HLA-G: variants seen among roughly 807,000 people sequenced by gnomAD.
HLA-G encodes HLA class I histocompatibility antigen, alpha chain G.
HLA-G carries 34 observed loss-of-function variants against 39.3 expected under a neutral mutation model. The observed-to-expected ratio is 0.86, with a 90% CI of 0.66 to 1.15. The LOEUF (loss-of-function observed/expected upper bound fraction) is 1.15. HLA-G is among the 50% of genes most tolerant of loss of function. The pLI is 0.00. For missense variants in HLA-G, 419 were observed against 456.4 expected, an observed-to-expected ratio of 0.92 and a Z score of 0.75; for synonymous variants, 183 against 185.8, an observed-to-expected ratio of 0.99 and a Z score of 0.12.
chr6:29,828,714 A>G lies in HLA-G; in HGVS notation c.515A>G (p.Glu172Gly). Residue 172 changes from glutamate to glycine, a missense_variant, in exon 3 of 7, where the codon GAG (glutamate) becomes GGG (glycine). Around this residue, in one of 2 missense-constraint regions of HLA-G, gnomAD observed 328 missense variants for 323.0 expected, o/e 1.02. Coordinates refer to ENST00000360323, the MANE Select transcript of HLA-G (RefSeq NM_001384290.1). ...TAAQISKRKC[E>G]AANVAEQRRA... Reference sequence around the variant, plus strand: ...GCTCAGATCTCCAAGCGCAAGTGTGAGGCGGCCAATGTGGCTGAACAAAGG... The same window carrying G: ...GCTCAGATCTCCAAGCGCAAGTGTGGGGCGGCCAATGTGGCTGAACAAAGG... The G allele has an allele frequency of 6.2e-7, 1 of 1,613,834 alleles. No homozygotes were observed. The highest frequency in any genetic ancestry group is 8.5e-7 in the Non-Finnish European group (1 of 1,180,024).
chr6:29,826,809 A>G (rs1760720349), upstream of HLA-G, among the ~76,000 whole-genome samples: 1 of 152,210 alleles, frequency 6.6e-6, no homozygotes, highest in African/African-American at 2.4e-5. Flanking sequence ...AATCAGGTTT[A>G]AAAAATACTA....
rs778011464 is a variant in HLA-G at position 29,829,853 on chromosome 6, C to T, written c.933C>T (p.Ile311=). The change falls in exon 5 of 7, where the codon ATC becomes ATT. Residue 311 remains isoleucine (I), a synonymous_variant. Coordinates refer to ENST00000360323, the MANE Select transcript of HLA-G (RefSeq NM_001384290.1). The part of the protein sequence containing the change: ...SSLPTIPIMG[I]VAGLVVLAAV... Reference sequence around the variant, plus strand: ...TGCCCACCATCCCCATCATGGGTATCGTTGCTGGCCTGGTTGTCCTTGCAG... The same window carrying T: ...TGCCCACCATCCCCATCATGGGTATTGTTGCTGGCCTGGTTGTCCTTGCAG... 6.2e-6 allele frequency: 10 copies of T among 1,613,958 alleles called. No homozygotes were observed. The highest frequency in any genetic ancestry group is 7.6e-6 in the Non-Finnish European group (9 of 1,179,926).
Position 29,829,544 on chromosome 6 carries a change from C to T in HLA-G, c.746C>T (p.Thr249Ile). 1 of 1,613,966 alleles carries T rather than the reference C, an allele frequency of 6.2e-7. No individual in the cohort carries two copies. Among genetic ancestry groups the T allele is most frequent in the Non-Finnish European group, 8.5e-7 (1 of 1,179,918 alleles). ...LTWQRDGEDQ[T>I]QDVELVETRP... Reference sequence around the variant, plus strand: ...TGGCAGCGGGATGGGGAGGACCAGACCCAGGACGTGGAGCTCGTGGAGACC... The same window carrying T: ...TGGCAGCGGGATGGGGAGGACCAGATCCAGGACGTGGAGCTCGTGGAGACC... The change falls in exon 4 of 7, where the codon ACC (threonine) becomes ATC (isoleucine). Residue 249 changes from threonine to isoleucine, a missense_variant. Physicochemically the swap from Thr to Ile is moderately conservative, Grantham distance 89 (BLOSUM62 -1). Transcript: ENST00000360323.
Position 29,829,435 on chromosome 6 carries a change from G to A in HLA-G, c.637G>A (p.Val213Met), listed in dbSNP as rs778467118. The A allele has an allele frequency of 2.3e-5, 37 of 1,613,554 alleles. No homozygotes were observed. The highest frequency in any genetic ancestry group is 8.0e-5 in the African/African-American group (6 of 74,856). The change falls in exon 4 of 7, where the codon GTG becomes ATG. Residue 213 changes from valine (V) to methionine (M), a missense_variant. Coordinates refer to ENST00000360323, the MANE Select transcript of HLA-G (RefSeq NM_001384290.1). Reference sequence around the variant, plus strand: ...CCTTTCAGACCCCCCCAAGACACACGTGACCCACCACCCTGTCTTTGACTA... The same window carrying A: ...CCTTTCAGACCCCCCCAAGACACACATGACCCACCACCCTGTCTTTGACTA... ...LQRADPPKTHVTHHPVFDYEA... is the reference protein window; with the variant it reads ...LQRADPPKTHMTHHPVFDYEA...
chr6:29,829,767 G>C (rs745741578), intron 4 of HLA-G, 49 bp from the exon 5 acceptor site: 1 of 1,602,482 alleles, frequency 6.2e-7, no homozygotes, highest in Non-Finnish European at 8.5e-7. Context: ...AACAGGGTCG[G>C]TGGTGAGGGC....
In HLA-G at chr6:29,829,869, G is replaced by C; in HGVS notation, c.949G>C (p.Val317Leu). ...CATGGGTATCGTTGCTGGCCTGGTT[G>C]TCCTTGCAGCTGTAGTCACTGGAGC... ...PIMGIVAGLV[V>L]LAAVVTGAAV... The change falls in exon 5 of 7, where the codon GTC (valine) becomes CTC (leucine). Residue 317 changes from valine to leucine, a missense_variant. By Grantham distance (32) the Val-to-Leu change is conservative (BLOSUM62 1). Around this residue, in one of 2 missense-constraint regions of HLA-G, gnomAD observed 328 missense variants for 323.0 expected, o/e 1.02. Coordinates refer to ENST00000360323, the MANE Select transcript of HLA-G (RefSeq NM_001384290.1). The C allele has an allele frequency of 6.2e-7, 1 of 1,614,078 alleles. No individual in the cohort carries two copies. The highest frequency in any genetic ancestry group is 8.5e-7 in the Non-Finnish European group (1 of 1,179,980).
chr6:29,828,671 A>C lies in HLA-G; in HGVS notation c.472A>C (p.Thr158Pro), dbSNP rs748013931. 1 of 1,613,502 alleles carries C rather than the reference A, an allele frequency of 6.2e-7. No homozygotes were observed. The highest frequency in any genetic ancestry group is 1.7e-5 in the Admixed American group (1 of 60,026). Residue 158 changes from threonine to proline, a missense_variant, in exon 3 of 7, where the codon ACC becomes CCC. Thr to Pro is a conservative substitution (Grantham distance 38). Around this residue, in one of 2 missense-constraint regions of HLA-G, gnomAD observed 328 missense variants for 323.0 expected, o/e 1.02. Coordinates refer to ENST00000360323, the MANE Select transcript of HLA-G (RefSeq NM_001384290.1). ...LALNEDLRSW[T>P]AADTAAQISK... ...CCTGAACGAGGACCTGCGCTCCTGGACCGCAGCGGACACTGCGGCTCAGAT... is the reference window on the plus strand; with the variant it reads ...CCTGAACGAGGACCTGCGCTCCTGGCCCGCAGCGGACACTGCGGCTCAGAT...
chr6:29,829,447 C>A lies in HLA-G; in HGVS notation c.649C>A (p.Pro217Thr). Reference protein sequence around the residue: ...DPPKTHVTHHPVFDYEATLRC... With the variant: ...DPPKTHVTHHTVFDYEATLRC... ...CCCCAAGACACACGTGACCCACCAC[C>A]CTGTCTTTGACTATGAGGCCACCCT... The change falls in exon 4 of 7, where the codon CCT becomes ACT. Residue 217 changes from proline to threonine, a missense_variant. Physicochemically the swap from Pro to Thr is conservative, Grantham distance 38 (BLOSUM62 -1). Transcript: ENST00000360323. 2 of 1,613,802 alleles carry A rather than the reference C, an allele frequency of 1.2e-6. No homozygotes were observed. Among genetic ancestry groups the A allele is most frequent in the Non-Finnish European group, 1.7e-6 (2 of 1,179,832 alleles).
intron 5 of HLA-G, 130 bp from the exon 6 acceptor site, chr6:29,830,248 C>T (rs1236589581): frequency 1.7e-5 from 18 of 1,066,380 alleles, no homozygotes; most frequent in African/African-American, 3.1e-5. Context: ...CTTGTTTTTC[C>T]TGATCCCGCC....
rs746493150 is a variant in HLA-G, at chr6:29,828,682, C to T, written c.483C>T (p.Asp161=). The T allele has an allele frequency of 6.2e-7, 1 of 1,613,618 alleles. No individual in the cohort carries two copies. Among genetic ancestry groups the T allele is most frequent in the East Asian group, 2.2e-5 (1 of 44,886 alleles). The change falls in exon 3 of 7, where the codon GAC becomes GAT. Residue 161 remains aspartate, a synonymous_variant. Coordinates refer to ENST00000360323, the MANE Select transcript of HLA-G (RefSeq NM_001384290.1). ...ACCTGCGCTCCTGGACCGCAGCGGA[C>T]ACTGCGGCTCAGATCTCCAAGCGCA... is the stretch of plus-strand genomic sequence containing the variant. ...NEDLRSWTAA[D]TAAQISKRKC...
At chr6:29,828,511 G>C in intron 2 of HLA-G, 32 bp from the exon 3 acceptor site, 3 of 1,601,332 alleles carry the variant, frequency 1.9e-6, no homozygotes, top group Non-Finnish European at 1.7e-6. Context: ...GCGAGGCTCG[G>C]TGGGCGGGGC....
chr6:29,830,414 A>C lies in HLA-G; in HGVS notation c.*28+4A>C. 1 of 1,612,448 alleles carries C rather than the reference A, an allele frequency of 6.2e-7. No homozygotes were observed. Among genetic ancestry groups the C allele is most frequent in the Non-Finnish European group, 8.5e-7 (1 of 1,178,496 alleles). On this transcript the variant is annotated splice_donor_region_variant and intron_variant, in intron 6 of 6. Coordinates refer to ENST00000360323, the MANE Select transcript of HLA-G (RefSeq NM_001384290.1). ...GGGAGCTACTCTCAGGCTGCAAGTA[A>C]GTATGAAGGAGGCTGATCCCTGAGA...
upstream of HLA-G, among the ~76,000 whole-genome samples, chr6:29,826,572 G>A (rs898336951): frequency 6.6e-6 from 1 of 152,188 alleles, no homozygotes; most frequent in African/African-American, 2.4e-5. Flanking sequence ...GGGATTAAGG[G>A]GAGAAGAGGG....
At position 29,828,912 on chromosome 6, in the gene HLA-G, A is replaced by C. The variant is rs1050284908; in HGVS notation, c.619+94A>C. 24 of 1,496,522 alleles carry C rather than the reference A, an allele frequency of 1.6e-5. No homozygotes were observed. The Admixed American group carries it at 3.6e-4, about 22-fold the overall frequency. The allele number at this position is 1,496,522 out of a possible 1,614,324, so 92.7% of individuals were successfully genotyped here. A position where few individuals can be genotyped will look rare whatever the true frequency, so the allele number is the denominator to read the frequency against. On this transcript the variant is annotated intron_variant, in intron 3 of 6. Transcript: ENST00000360323. ...GGAGGAAAATGGGACCAACACTAGA[A>C]TATCGCCCTCCCTCTGGTCCTGAGG...
upstream of HLA-G, chr6:29,826,880 C>G: frequency 2.4e-6 from 1 of 423,346 alleles, no homozygotes. Context: ...ACAGGCAGTG[C>G]GTGAGCACTA....
chr6:29,828,690 C>A lies in HLA-G; in HGVS notation c.491C>A (p.Ala164Asp). Residue 164 changes from alanine to aspartate, a missense_variant, in exon 3 of 7, where the codon GCT (alanine) becomes GAT (aspartate). By Grantham distance (126) the Ala-to-Asp change is moderately radical. Transcript: ENST00000360323. ...LRSWTAADTA[A>D]QISKRKCEAA... ...TCCTGGACCGCAGCGGACACTGCGGCTCAGATCTCCAAGCGCAAGTGTGAG... is the reference window on the plus strand; with the variant it reads ...TCCTGGACCGCAGCGGACACTGCGGATCAGATCTCCAAGCGCAAGTGTGAG... The A allele has an allele frequency of 1.2e-6, 2 of 1,613,640 alleles. No homozygotes were observed. The highest frequency in any genetic ancestry group is 8.5e-7 in the Non-Finnish European group (1 of 1,180,020).
At chr6:29,829,989 GC>G in intron 5 of HLA-G, 57 bp downstream of exon 5, 1 of 1,280,274 alleles carries the variant, frequency 7.8e-7, no homozygotes, top group Non-Finnish European at 1.1e-6. Flanking sequence ...GGGGTTTCAA[GC>G]CCCAGGTAGA....
Position 29,830,358 on chromosome 6 carries a change from A to G in HLA-G, c.1013-20A>G. The G allele has an allele frequency of 6.2e-7, 1 of 1,613,640 alleles. No homozygotes were observed. The highest frequency in any genetic ancestry group is 8.5e-7 in the Non-Finnish European group (1 of 1,179,562). On this transcript the variant is annotated intron_variant, in intron 5 of 6. Coordinates refer to ENST00000360323, the MANE Select transcript of HLA-G (RefSeq NM_001384290.1). The stretch of plus-strand genomic sequence containing the variant: ...CCCTGCCACCTTTCTGGCCTCTCAC[A>G]GGACATTTTCTTCCCACAGATTGAA...
At chr6:29,826,621 G>A (rs1382860076), upstream of HLA-G, among the ~76,000 whole-genome samples, 1 of 152,194 alleles carries the variant, frequency 6.6e-6, no homozygotes, top group Non-Finnish European at 1.5e-5. Context: ...GGCTGGAGGA[G>A]CAGGAGGTGA....
Sources: allele counts gnomAD v4.1 joint callset (sites outside exome capture counted in the v4.1 genomes callset), GRCh38; gene constraint gnomAD v4.1.1; regional missense constraint gnomAD v4.1.1; transcripts MANE v1.5; gene names NCBI Gene and HGNC (gene_info 2026-07-23, HGNC 2026-07-21).